The following ITGBL1 variants were observed in gnomAD, a reference collection of about 807,000 sequenced individuals.
ITGBL1 encodes integrin subunit beta like 1, also known as integrin beta-like protein 1.
ITGBL1 carries 51 observed loss-of-function variants against 68.5 expected under a neutral mutation model. That is an observed-to-expected ratio of 0.74 (90% confidence interval 0.59 to 0.94). ITGBL1 has a LOEUF of 0.94. Among genes scored for constraint, ITGBL1 ranks in the 40% least tolerant of loss-of-function variants. ITGBL1 has a pLI of 0.00. For synonymous variants in ITGBL1, 209 were observed against 227.3 expected (o/e 0.92, Z 0.72); for missense variants, 649 against 647.4 (o/e 1.00, Z -0.03).
intron 2 of ITGBL1, among the ~76,000 whole-genome samples, chr13:101,506,652 C>T (rs1360627877): frequency 6.6e-6 from 1 of 152,172 alleles, no homozygotes; most frequent in Non-Finnish European, 1.5e-5. Flanking sequence ...TGATTCCTGA[C>T]TCTTGAGGAA....
chr13:101,636,727 C>T (rs1171139092), intron 7 of ITGBL1, among the ~76,000 whole-genome samples: 2 of 152,174 alleles, frequency 1.3e-5, no homozygotes, highest in Admixed American at 6.5e-5. Context: ...TTATTCCTCA[C>T]ACTGTGTAAT....
At chr13:101,684,582 T>A (rs980863599) in intron 7 of ITGBL1, among the ~76,000 whole-genome samples, 1 of 152,008 alleles carries the variant, frequency 6.6e-6, no homozygotes, top group Non-Finnish European at 1.5e-5. Context: ...ACTAATATAC[T>A]CTCTTAATAA....
At chr13:101,618,820 A>C (rs1296845216) in intron 7 of ITGBL1, among the ~76,000 whole-genome samples, 1 of 152,176 alleles carries the variant, frequency 6.6e-6, no homozygotes, top group Non-Finnish European at 1.5e-5. Context: ...TCTGACCAAG[A>C]AAGATTAAAG....
intron 7 of ITGBL1, among the ~76,000 whole-genome samples, chr13:101,634,779 A>T (rs1413648932): frequency 6.6e-6 from 1 of 152,090 alleles, no homozygotes; most frequent in Non-Finnish European, 1.5e-5. Flanking sequence ...CAGAAGTGCA[A>T]TGAAGAAAAT....
At chr13:101,718,189 A>G (rs1209354431), downstream of ITGBL1, 1 of 152,074 alleles carries the variant, frequency 6.6e-6, no homozygotes, top group Non-Finnish European at 1.5e-5. Context: ...GAAAACAGAA[A>G]TATTTTTACT....
chr13:101,637,970 T>C (rs2032232690), intron 7 of ITGBL1, among the ~76,000 whole-genome samples: 1 of 152,216 alleles, frequency 6.6e-6, no homozygotes, highest in Non-Finnish European at 1.5e-5. Context: ...TAAAGTAAAG[T>C]AATACTCTAC....
At chr13:101,491,468 TTA>T in intron 2 of ITGBL1, among the ~76,000 whole-genome samples, 1 of 152,334 alleles carries the variant, frequency 6.6e-6, no homozygotes, top group East Asian at 1.9e-4. Flanking sequence ...ATTTGTCACA[TTA>T]CGGTAGAGAG....
At chr13:101,632,944 G>A (rs566070802) in intron 7 of ITGBL1, among the ~76,000 whole-genome samples, 1 of 152,300 alleles carries the variant, frequency 6.6e-6, no homozygotes, top group Admixed American at 6.5e-5. Context: ...AAACCTTAAT[G>A]TGCATGGGGA....
intron 1 of ITGBL1, among the ~76,000 whole-genome samples, 159 bp downstream of exon 1, chr13:101,453,090 G>A (rs566432616): frequency 3.9e-5 from 6 of 152,306 alleles, no homozygotes; most frequent in African/African-American, 1.2e-4. Context: ...TATCTACAGC[G>A]TGTATTGCCT....
intron 7 of ITGBL1, among the ~76,000 whole-genome samples, chr13:101,604,771 C>G (rs368169184): frequency 9.1e-4 from 130 of 143,526 alleles, no homozygotes; most frequent in African/African-American, 3.0e-3. Context: ...TCCTGACAGC[C>G]GCCATCACCT....
chr13:101,708,835 A>AT (rs2034321666), intron 9 of ITGBL1, among the ~76,000 whole-genome samples: 1 of 152,244 alleles, frequency 6.6e-6, no homozygotes, highest in South Asian at 2.1e-4. Context: ...ACCTAATGTC[A>AT]TTACAGCAGG....
chr13:101,659,477 G>A (rs867220388), intron 7 of ITGBL1, among the ~76,000 whole-genome samples: 57 of 152,242 alleles, frequency 3.7e-4, no homozygotes, highest in African/African-American at 1.4e-3. Context: ...TTTCTTAAAA[G>A]GAGCAAGTAT....
intron 2 of ITGBL1, among the ~76,000 whole-genome samples, chr13:101,516,215 G>T (rs767757633): frequency 6.6e-5 from 10 of 152,138 alleles, no homozygotes; most frequent in African/African-American, 2.4e-4. Context: ...TTTTTAAAAC[G>T]GTTTTTCTGA....
chr13:101,605,525 T>TGTATATGCGTATATATACACACATAGAC lies in ITGBL1; in HGVS notation c.1015+7226_1015+7227insGTATATGCGTATATATACACACATAGAC, dbSNP rs1259535693. ...GTATATGCGTATACACATATAGACA[T>TGTATATGCGTATATATACACACATAGAC]ATGTATATGCGTATATATACACGTA... On this transcript the variant is annotated intron_variant, in intron 7 of 10. Coordinates refer to ENST00000376180, the MANE Select transcript of ITGBL1 (RefSeq NM_004791.3). Among the ~76,000 whole-genome samples, 479 of 142,448 alleles carry TGTATATGCGTATATATACACACATAGAC rather than the reference T, an allele frequency of 3.4e-3. 34 individuals carry two copies. Among genetic ancestry groups the TGTATATGCGTATATATACACACATAGAC allele is most frequent in the African/African-American group, 0.012 (460 of 37,654 alleles). The allele number at this position is 142,448 out of a possible 152,430, so 93.5% of individuals were successfully genotyped here.
At chr13:101,550,587 T>C (rs1057102548) in intron 2 of ITGBL1, among the ~76,000 whole-genome samples, 1 of 152,188 alleles carries the variant, frequency 6.6e-6, no homozygotes, top group Non-Finnish European at 1.5e-5. Flanking sequence ...GGCTAATTTG[T>C]TAGTTTGAAA....
intron 2 of ITGBL1, among the ~76,000 whole-genome samples, chr13:101,477,976 C>T (rs570494300): frequency 6.6e-6 from 1 of 152,132 alleles, no homozygotes; most frequent in Non-Finnish European, 1.5e-5. Context: ...TACTTCCAAA[C>T]TAATTCTGTG....
At chr13:101,698,240 A>G (rs2034047721) in intron 8 of ITGBL1, among the ~76,000 whole-genome samples, 1 of 152,202 alleles carries the variant, frequency 6.6e-6, no homozygotes, top group African/African-American at 2.4e-5. Context: ...AAAATCAGGG[A>G]CTGTCTTAGC....
At chr13:101,601,557 T>C (rs2030384476) in intron 7 of ITGBL1, among the ~76,000 whole-genome samples, 1 of 152,212 alleles carries the variant, frequency 6.6e-6, no homozygotes, top group South Asian at 2.1e-4. Context: ...TTTCCTGCTT[T>C]CTCTTGTGGG....
intron 2 of ITGBL1, among the ~76,000 whole-genome samples, chr13:101,505,300 AT>A (rs1210789745): frequency 6.6e-6 from 1 of 152,142 alleles, no homozygotes; most frequent in South Asian, 2.1e-4. Flanking sequence ...TGTAAATGGA[AT>A]TTTTTTAACC....
Sources: allele counts gnomAD v4.1 joint callset (sites outside exome capture counted in the v4.1 genomes callset), GRCh38; gene constraint gnomAD v4.1.1; transcripts MANE v1.5; gene names NCBI Gene and HGNC (gene_info 2026-07-23, HGNC 2026-07-21).